The following PCDH15 variants were observed in gnomAD, a reference collection of about 807,000 sequenced individuals.
PCDH15 encodes protocadherin-15.
Under a neutral mutation model 178.5 loss-of-function variants are expected in PCDH15, and 129 were observed. The observed-to-expected ratio is 0.72, with a 90% CI of 0.63 to 0.84. The LOEUF is 0.84. PCDH15 is among the 40% of genes least tolerant of loss of function. The pLI is 0.00. For missense variants in PCDH15, 2,230 were observed against 2,099.9 expected (o/e 1.06, Z -1.21); for synonymous variants, 800 against 732.0 (o/e 1.09, Z -1.50).
chr10:55,166,900 G>A (rs978703412), intron 1 of PCDH15, among the ~76,000 whole-genome samples: 1 of 152,036 alleles, frequency 6.6e-6, no homozygotes, highest in African/African-American at 2.4e-5. Flanking sequence ...TATGCCTCAG[G>A]TTATATTCTT....
At chr10:54,971,224 G>C (rs1032617999) in intron 2 of PCDH15, among the ~76,000 whole-genome samples, 13 of 152,118 alleles carry the variant, frequency 8.5e-5, no homozygotes, top group African/African-American at 2.9e-4. Context: ...TAAGGCAATA[G>C]TTTTAAGAGG....
At chr10:54,622,174 G>A (rs973207560) in intron 2 of PCDH15, among the ~76,000 whole-genome samples, 2 of 151,736 alleles carry the variant, frequency 1.3e-5, no homozygotes, top group Non-Finnish European at 2.9e-5. Context: ...CATAGGAAGA[G>A]ATATTTTAGT....
At chr10:55,303,442 G>T (rs1217483629) in intron 1 of PCDH15, among the ~76,000 whole-genome samples, 1 of 152,054 alleles carries the variant, frequency 6.6e-6, no homozygotes, top group Non-Finnish European at 1.5e-5. Flanking sequence ...TTCCATTGTG[G>T]ACTAACAGTC....
intron 2 of PCDH15, among the ~76,000 whole-genome samples, chr10:55,158,605 G>T (rs66470253): frequency 0.82 from 124,204 of 151,206 alleles, 53,045 homozygotes; most frequent in East Asian, 0.96. Flanking sequence ...CAGAGGGTCT[G>T]GGGTCAAAAA....
intron 2 of PCDH15, among the ~76,000 whole-genome samples, chr10:55,552,763 G>A (rs1306050747): frequency 6.6e-6 from 1 of 151,154 alleles, no homozygotes; most frequent in East Asian, 1.9e-4. Context: ...AAAACATAAT[G>A]GCTTTTATTA....
At chr10:53,892,026 T>TTTA (rs935044085) in intron 26 of PCDH15, among the ~76,000 whole-genome samples, 2 of 142,942 alleles carry the variant, frequency 1.4e-5, no homozygotes, top group African/African-American at 5.5e-5. Flanking sequence ...CTATGTTTTT[T>TTTA]TTTTTTTTTT....
At chr10:54,750,619 T>A (rs1946100901) in intron 1 of PCDH15, among the ~76,000 whole-genome samples, 1 of 152,138 alleles carries the variant, frequency 6.6e-6, no homozygotes, top group African/African-American at 2.4e-5. Context: ...TATTATGAAT[T>A]ATCAACTAAG....
At chr10:54,516,710 C>T (rs557847057) in intron 3 of PCDH15, among the ~76,000 whole-genome samples, 2,864 of 151,450 alleles carry the variant, frequency 0.019, 93 homozygotes, top group African/African-American at 0.065. Context: ...ATACAGAGAA[C>T]GCCACAAAGA....
intron 2 of PCDH15, among the ~76,000 whole-genome samples, chr10:55,582,628 A>ATATATTTTTTTTTTTTT (rs780312007): frequency 2.9e-5 from 2 of 69,042 alleles, no homozygotes; most frequent in African/African-American, 1.3e-4. Context: ...ATATATATAT[A>ATATATTTTTTTTTTTTT]TTTTTTTTTT....
intron 2 of PCDH15, among the ~76,000 whole-genome samples, chr10:55,140,235 G>T (rs534417567): frequency 6.6e-6 from 1 of 151,676 alleles, no homozygotes; most frequent in Non-Finnish European, 1.5e-5. Context: ...ATGGCTTATT[G>T]CACTAGCTAG....
chr10:55,235,756 A>C (rs1052314130), intron 1 of PCDH15, among the ~76,000 whole-genome samples: 2 of 151,904 alleles, frequency 1.3e-5, no homozygotes, highest in Admixed American at 6.6e-5. Flanking sequence ...CAATTACAAA[A>C]ATTAGCCGGG....
At chr10:55,516,702 T>A (rs530242941) in intron 2 of PCDH15, among the ~76,000 whole-genome samples, 3 of 152,320 alleles carry the variant, frequency 2.0e-5, no homozygotes, top group African/African-American at 7.2e-5. Flanking sequence ...TAATAAGTTC[T>A]TTTATATGAA....
intron 3 of PCDH15, among the ~76,000 whole-genome samples, chr10:54,426,534 C>T (rs764893568): frequency 4.1e-4 from 63 of 152,178 alleles, no homozygotes; most frequent in Admixed American, 7.9e-4. Context: ...GGCCACGGAA[C>T]GGTACCAGTT....
chr10:54,247,954 AT>A, intron 8 of PCDH15, among the ~76,000 whole-genome samples: 1 of 146,954 alleles, frequency 6.8e-6, no homozygotes, highest in African/African-American at 2.5e-5. Context: ...ATATATATAT[AT>A]ATATACACAT....
rs146289090 is a variant in PCDH15 at position 55,077,625 on chromosome 10, C to T, written c.-80+88951G>A. 2.2e-3 allele frequency among the ~76,000 whole-genome samples: 340 copies of T among 152,120 alleles called. 1 individual carries two copies. The highest frequency in any genetic ancestry group is 7.7e-3 in the African/African-American group (320 of 41,488). Reference sequence around the variant, plus strand: ...AGTGCAGTGGCACAATATTGGCTCACTGCAAACTCCACCTCCTGGGTTCAA... The same window carrying T: ...AGTGCAGTGGCACAATATTGGCTCATTGCAAACTCCACCTCCTGGGTTCAA... On this transcript the variant is annotated intron_variant, in intron 2 of 5. Coordinates refer to the PCDH15 transcript ENST00000458638.
chr10:54,052,896 C>A (rs897381758), intron 18 of PCDH15, among the ~76,000 whole-genome samples: 54 of 152,262 alleles, frequency 3.5e-4, no homozygotes, highest in African/African-American at 1.2e-3. Context: ...TACGTTTTCA[C>A]AAGATTGATG....
intron 3 of PCDH15, among the ~76,000 whole-genome samples, chr10:54,439,736 A>G (rs1191957538): frequency 1.3e-5 from 2 of 152,038 alleles, no homozygotes; most frequent in African/African-American, 4.8e-5. Context: ...CAAAAAACCC[A>G]TTAAGTTATT....
chr10:55,551,220 G>A (rs1841997413), intron 2 of PCDH15, among the ~76,000 whole-genome samples: 1 of 151,904 alleles, frequency 6.6e-6, no homozygotes, highest in Non-Finnish European at 1.5e-5. Context: ...GAAAATAGAA[G>A]CTATCTGTAG....
At chr10:55,195,731 A>G (rs913857207) in intron 1 of PCDH15, among the ~76,000 whole-genome samples, 6 of 151,792 alleles carry the variant, frequency 4.0e-5, no homozygotes, top group Non-Finnish European at 2.9e-5. Context: ...TAATATAACT[A>G]TCAAATAAAG....
Sources: gnomAD v4.1 joint callset for allele counts (sites outside exome capture counted in the v4.1 genomes callset) on GRCh38, gnomAD v4.1.1 for gene constraint, MANE v1.5 for transcripts, NCBI Gene and HGNC (gene_info 2026-07-23, HGNC 2026-07-21) for gene names.